DENND2A: variants seen among roughly 807,000 people sequenced by gnomAD.
DENND2A encodes DENN domain containing 2A.
A neutral mutation model predicts 105.3 loss-of-function variants in DENND2A; 53 were observed. That is an observed-to-expected ratio of 0.50 (90% CI 0.40 to 0.63). DENND2A has a LOEUF of 0.63. Among genes scored for constraint, DENND2A ranks in the 30% least tolerant of loss-of-function variants. DENND2A has a pLI of 0.00. For missense variants in DENND2A, 1,138 were observed against 1,279.6 expected (o/e 0.89, Z 1.69); for synonymous variants, 522 against 508.4 (o/e 1.03, Z -0.36).
chr7:140,567,951 T>C (rs184897413), intron 8 of DENND2A, among the ~76,000 whole-genome samples: 1 of 152,140 alleles, frequency 6.6e-6, no homozygotes, highest in Admixed American at 6.6e-5. Context: ...ACTTGCTTTC[T>C]TTTTTTTGAG....
intron 1 of DENND2A, among the ~76,000 whole-genome samples, chr7:140,630,928 G>A (rs1165541918): frequency 6.6e-6 from 1 of 152,122 alleles, no homozygotes; most frequent in Non-Finnish European, 1.5e-5. Context: ...CAAGCAGAAT[G>A]GCCTTATTGT....
Position 140,534,099 on chromosome 7 carries a change from TTTTG to T in DENND2A, c.2328-6608_2328-6605del, listed in dbSNP as rs1159977927. Among the ~76,000 whole-genome samples the T allele has an allele frequency of 5.6e-5, 8 of 142,002 alleles. 1 individual carries two copies. The highest frequency in any genetic ancestry group is 9.1e-5 in the Non-Finnish European group (6 of 65,716). 93.2% of individuals were successfully genotyped at this position (142,002 alleles called of 152,430 possible). A position where few individuals can be genotyped will look rare whatever the true frequency, so the allele number is the denominator to read the frequency against. On this transcript the variant is annotated intron_variant, in intron 14 of 19. Coordinates refer to ENST00000496613, the MANE Select transcript of DENND2A (RefSeq NM_015689.5). ...CTGGTTAATTTTTTTTTTTTTTTTT[TTTTG>T]AGATGGAGTCTTGCTCTGGCACCCA...
rs369854454 is a variant in DENND2A, at chr7:140,626,060, T to C, written c.-248+14444A>G. Among the ~76,000 whole-genome samples, 94 of 152,274 alleles carry C rather than the reference T, an allele frequency of 6.2e-4. 1 individual carries two copies. In the South Asian group the frequency reaches 0.018, roughly 29 times the overall value. ...GACATTAAGGCCTGGAGGGATTAAC[T>C]TTTCCCAAGGCTGCGTGGGTGCTGA... On this transcript the variant is annotated intron_variant, in intron 1 of 19. Coordinates refer to ENST00000496613, the MANE Select transcript of DENND2A (RefSeq NM_015689.5).
chr7:140,588,944 T>C (rs1001594848), intron 3 of DENND2A, among the ~76,000 whole-genome samples: 35 of 152,044 alleles, frequency 2.3e-4, no homozygotes, highest in African/African-American at 8.0e-4. Context: ...GGTTTCACCA[T>C]GTTGGCCAGG....
chr7:140,527,401 C>T lies in DENND2A; in HGVS notation c.2422G>A (p.Asp808Asn), dbSNP rs371401607. ...AAGGGCGTCGGCGAGCACACGATGT[C>T]GACCATGGCGGGTGGCAGCACCGGG... ...YIPVLPPAMV[D>N]IVCSPTPFLI... is the part of the protein sequence containing the mutation. The change falls in exon 15 of 20, where the codon GAC becomes AAC. Residue 808 changes from aspartate to asparagine, a missense_variant. By Grantham distance (23) the Asp-to-Asn change is conservative. Coordinates refer to ENST00000496613, the MANE Select transcript of DENND2A (RefSeq NM_015689.5). This position sits in a 1 kb window ranked among gnomAD's most constrained non-coding sequence, Gnocchi z 4.9. The T allele has an allele frequency of 5.0e-5, 81 of 1,609,374 alleles. No individual in the cohort carries two copies. The highest frequency in any genetic ancestry group is 6.6e-5 in the Non-Finnish European group (78 of 1,178,882).
chr7:140,595,606 A>T (rs1433088604), intron 3 of DENND2A, among the ~76,000 whole-genome samples: 1 of 152,028 alleles, frequency 6.6e-6, no homozygotes, highest in East Asian at 1.9e-4. Context: ...CTGCCTCTAC[A>T]AAAAATACAA....
In DENND2A at chr7:140,640,519, G is replaced by A. The variant is rs1217599326; in HGVS notation, c.-263C>T. Reference sequence around the variant, plus strand: ...CCGGCCCTACCTCCCCGCGGGCGGCGGCTCCGCGGGCTCTGGGGCGCATCT... The same window carrying A: ...CCGGCCCTACCTCCCCGCGGGCGGCAGCTCCGCGGGCTCTGGGGCGCATCT... On this transcript the variant is annotated 5_prime_UTR_variant, in exon 1 of 20. Transcript: ENST00000496613. The surrounding 1 kb of genome is among the most constrained non-coding windows in gnomAD (Gnocchi z 4.9). The A allele has an allele frequency of 1.3e-5, 2 of 150,180 alleles. No individual in the cohort carries two copies. Among genetic ancestry groups the A allele is most frequent in the East Asian group, 2.0e-4 (1 of 4,984 alleles). 9.3% of individuals were successfully genotyped at this position (150,180 alleles called of 1,614,324 possible).
At chr7:140,613,396 C>G (rs113238509) in intron 1 of DENND2A, among the ~76,000 whole-genome samples, 5 of 151,444 alleles carry the variant, frequency 3.3e-5, no homozygotes, top group African/African-American at 1.2e-4. Context: ...AAAAATTAGC[C>G]GAGCGTGGTG....
intron 12 of DENND2A, among the ~76,000 whole-genome samples, chr7:140,553,501 T>C (rs1214286090): frequency 6.6e-6 from 1 of 152,172 alleles, no homozygotes; most frequent in Non-Finnish European, 1.5e-5. Flanking sequence ...CCTCTTATAC[T>C]AATGCTCCTC....
intron 5 of DENND2A, among the ~76,000 whole-genome samples, chr7:140,577,525 G>T (rs543832803): frequency 1.9e-4 from 29 of 152,092 alleles, no homozygotes; most frequent in Non-Finnish European, 2.8e-4. Context: ...AGCCTCCCGA[G>T]TAGCTGGGAT....
intron 3 of DENND2A, among the ~76,000 whole-genome samples, chr7:140,591,703 T>C (rs1410443495): frequency 9.5e-6 from 1 of 105,078 alleles, no homozygotes; most frequent in Non-Finnish European, 1.7e-5. Flanking sequence ...CCTTCCTTCC[T>C]TCCTTCTTTC....
At chr7:140,552,286 C>T (rs939209762) in intron 12 of DENND2A, among the ~76,000 whole-genome samples, 4 of 152,050 alleles carry the variant, frequency 2.6e-5, no homozygotes, top group African/African-American at 9.7e-5. Context: ...CATTCATTTT[C>T]TTTCTTTCTT....
intron 12 of DENND2A, among the ~76,000 whole-genome samples, chr7:140,551,004 GA>G (rs1051533832): frequency 1.3e-5 from 2 of 151,180 alleles, no homozygotes; most frequent in Non-Finnish European, 3.0e-5. Flanking sequence ...GGACAGTAAT[GA>G]AAAAAAAGCT....
At chr7:140,547,587 G>A (rs959168780) in intron 12 of DENND2A, among the ~76,000 whole-genome samples, 2 of 152,130 alleles carry the variant, frequency 1.3e-5, no homozygotes, top group Admixed American at 1.3e-4. Context: ...TCCTCAAAAG[G>A]TTAAACATAG....
At chr7:140,589,970 A>T (rs559381978) in intron 3 of DENND2A, among the ~76,000 whole-genome samples, 3 of 152,348 alleles carry the variant, frequency 2.0e-5, no homozygotes, top group African/African-American at 7.2e-5. Context: ...TTTCGAAATG[A>T]TAAAGTACCT....
intron 6 of DENND2A, among the ~76,000 whole-genome samples, chr7:140,573,033 T>A (rs1190202684): frequency 6.6e-6 from 1 of 152,158 alleles, no homozygotes; most frequent in Non-Finnish European, 1.5e-5. Flanking sequence ...TTAACCCCTA[T>A]CTTCCTGGTT....
chr7:140,525,437 A>G (rs953571566), intron 16 of DENND2A, among the ~76,000 whole-genome samples: 1 of 152,118 alleles, frequency 6.6e-6, no homozygotes, highest in Admixed American at 6.6e-5. Context: ...TTACAGGTGT[A>G]AGCCACTGCA....
chr7:140,555,733 A>T lies in DENND2A; in HGVS notation c.1960-20T>A, dbSNP rs1385889058. The T allele has an allele frequency of 6.3e-7, 1 of 1,586,752 alleles. No homozygotes were observed. The highest frequency in any genetic ancestry group is 1.2e-5 in the South Asian group (1 of 86,124). On this transcript the variant is annotated intron_variant, in intron 11 of 19. Coordinates refer to ENST00000496613, the MANE Select transcript of DENND2A (RefSeq NM_015689.5). The stretch of plus-strand genomic sequence containing the variant: ...TCCAGGCTTTTCGGAGAGAAACACA[A>T]GGGAATTATGAGTGTTGACAACCTC...
At chr7:140,528,051 G>A (rs963790535) in intron 14 of DENND2A, among the ~76,000 whole-genome samples, 2 of 152,002 alleles carry the variant, frequency 1.3e-5, no homozygotes, top group African/African-American at 4.8e-5. Flanking sequence ...ATGTTGGTCA[G>A]GCTGGTCTTG....
Sources: allele counts gnomAD v4.1 joint callset (sites outside exome capture counted in the v4.1 genomes callset), GRCh38; gene constraint gnomAD v4.1.1; non-coding constraint Gnocchi (gnomAD v3.1); transcripts MANE v1.5; gene names NCBI Gene and HGNC (gene_info 2026-07-23, HGNC 2026-07-21).